CDYL2: variants seen among roughly 807,000 people sequenced by gnomAD.
CDYL2 encodes the protein chromodomain Y like 2.
CDYL2 carries 23 observed loss-of-function variants against 49.4 expected under a neutral mutation model. The ratio of observed to expected loss-of-function variants is 0.47; its 90% CI spans 0.34 to 0.66. The LOEUF is 0.66. CDYL2 is among the 30% of genes least tolerant of loss of function. The pLI, the probability that CDYL2 is intolerant of heterozygous loss-of-function variation, is 0.01. For synonymous variants in CDYL2, 360 were observed against 268.8 expected, an observed-to-expected ratio of 1.34 and a Z score of -3.32; for missense variants, 678 against 656.4, an observed-to-expected ratio of 1.03 and a Z score of -0.36.
At chr16:80,618,379 C>G (rs1304569395) in intron 4 of CDYL2, among the ~76,000 whole-genome samples, 1 of 152,190 alleles carries the variant, frequency 6.6e-6, no homozygotes. Context: ...CGCACAGATA[C>G]CACGCAGCAG....
At chr16:80,670,026 C>T (rs1402037287) in intron 2 of CDYL2, among the ~76,000 whole-genome samples, 1 of 152,244 alleles carries the variant, frequency 6.6e-6, no homozygotes, top group African/African-American at 2.4e-5. Context: ...CAACCCAAGA[C>T]ATGGGGCACA....
At position 80,637,807 on chromosome 16, in the gene CDYL2, AATTACCCTG is replaced by A. The variant is rs1231907755; in HGVS notation, c.617-4580_617-4572del. Among the ~76,000 whole-genome samples the A allele has an allele frequency of 2.0e-5, 3 of 152,244 alleles. No homozygotes were observed. The East Asian group carries it at 5.8e-4, about 29-fold the overall frequency. Reference sequence around the variant, plus strand: ...AAATGTTTGAGGTGATGGATATCTCAATTACCCTGATTACCCTGATTTGATCATTACACA... The same window carrying A: ...AAATGTTTGAGGTGATGGATATCTCAATTACCCTGATTTGATCATTACACA... On this transcript the variant is annotated intron_variant, in intron 2 of 6. Transcript: ENST00000570137.
At chr16:80,641,390 G>A (rs1360573917) in intron 2 of CDYL2, among the ~76,000 whole-genome samples, 1 of 152,084 alleles carries the variant, frequency 6.6e-6, no homozygotes, top group South Asian at 2.1e-4. Context: ...TATATCTGGT[G>A]AAAATCTCCT....
At chr16:80,769,813 C>A (rs1457803609) in intron 1 of CDYL2, among the ~76,000 whole-genome samples, 2 of 152,094 alleles carry the variant, frequency 1.3e-5, no homozygotes, top group African/African-American at 4.8e-5. Context: ...GAAAAAGAAT[C>A]AGATTATTCA....
chr16:80,763,061 G>C lies in CDYL2; in HGVS notation c.24+41089C>G, dbSNP rs182025618. On this transcript the variant is annotated intron_variant, in intron 1 of 6. Coordinates refer to ENST00000570137, the MANE Select transcript of CDYL2 (RefSeq NM_152342.4). ...CTTACAACTGTAGTCCCAGCTACTT[G>C]GGAGGCTGAGGCGGCAGGATCACTT... 2.4e-3 allele frequency among the ~76,000 whole-genome samples: 361 copies of C among 152,268 alleles called. 8 individuals carry two copies. Among genetic ancestry groups the C allele is most frequent in the Admixed American group, 0.021 (316 of 15,300 alleles).
chr16:80,747,107 C>T (rs1242831009), intron 1 of CDYL2, among the ~76,000 whole-genome samples: 1 of 152,126 alleles, frequency 6.6e-6, no homozygotes, highest in Non-Finnish European at 1.5e-5. Context: ...ATAGAAATCT[C>T]TCTCTGTACT....
Position 80,673,148 on chromosome 16 carries a change from T to C in CDYL2, c.616+11390A>G, listed in dbSNP as rs145208535. On this transcript the variant is annotated intron_variant, in intron 2 of 6. Coordinates refer to ENST00000570137, the MANE Select transcript of CDYL2 (RefSeq NM_152342.4). ...GCCTGGCCAACATGGTGAAACCCCA[T>C]TTCTACTAAAAGTACAAAAAAATTA... Among the ~76,000 whole-genome samples the C allele has an allele frequency of 8.1e-3, 1,237 of 152,072 alleles. 34 individuals carry two copies. The highest frequency in any genetic ancestry group is 0.028 in the African/African-American group (1,169 of 41,468).
chr16:80,664,620 G>A (rs949918216), intron 2 of CDYL2, among the ~76,000 whole-genome samples: 12 of 152,114 alleles, frequency 7.9e-5, no homozygotes, highest in Non-Finnish European at 1.3e-4. Flanking sequence ...ATCTCAAAAC[G>A]CTAAAAATTT....
At chr16:80,608,792 AAG>A (rs138978334) in intron 5 of CDYL2, among the ~76,000 whole-genome samples, 21 of 150,740 alleles carry the variant, frequency 1.4e-4, no homozygotes, top group African/African-American at 2.2e-4. Context: ...GAAATAGGGG[AAG>A]AGAGAGAGAG....
chr16:80,771,069 G>A (rs78053933), intron 1 of CDYL2, among the ~76,000 whole-genome samples: 1 of 152,150 alleles, frequency 6.6e-6, no homozygotes, highest in East Asian at 1.9e-4. Context: ...CCATTTCCTA[G>A]TTTTGATTCA....
chr16:80,637,480 C>G (rs1170901765), intron 2 of CDYL2, among the ~76,000 whole-genome samples: 1 of 151,978 alleles, frequency 6.6e-6, no homozygotes, highest in Non-Finnish European at 1.5e-5. Flanking sequence ...CCACAGATGA[C>G]AAGACTTGTC....
In CDYL2 at chr16:80,804,088, C is replaced by G. The variant is rs1908020328; in HGVS notation, c.24+62G>C. The G allele has an allele frequency of 2.1e-5, 19 of 907,348 alleles. No individual in the cohort carries two copies. In the South Asian group the frequency reaches 9.3e-4, roughly 44 times the overall value. The allele number at this position is 907,348 out of a possible 1,614,324, so 56.2% of individuals were successfully genotyped here. On this transcript the variant is annotated intron_variant, in intron 1 of 6. Transcript: ENST00000570137. ...CGGCCCCGGCCCGGTCCCCGCCGCCCGCCGCCGCCGCCCGCCGCCGCCCGC... is the reference window on the plus strand; with the variant it reads ...CGGCCCCGGCCCGGTCCCCGCCGCCGGCCGCCGCCGCCCGCCGCCGCCCGC...
At chr16:80,685,484 T>G (rs993830396) in intron 1 of CDYL2, among the ~76,000 whole-genome samples, 2 of 152,228 alleles carry the variant, frequency 1.3e-5, no homozygotes, top group African/African-American at 4.8e-5. Flanking sequence ...CCAAAGTAGA[T>G]GCAGGCTATT....
At chr16:80,755,913 C>G (rs986155925) in intron 1 of CDYL2, among the ~76,000 whole-genome samples, 1 of 152,134 alleles carries the variant, frequency 6.6e-6, no homozygotes, top group African/African-American at 2.4e-5. Context: ...AAACCTAAAA[C>G]TGCTCTAAAA....
chr16:80,682,813 C>G (rs775030773), intron 2 of CDYL2, among the ~76,000 whole-genome samples: 1 of 152,186 alleles, frequency 6.6e-6, no homozygotes, highest in African/African-American at 2.4e-5. Flanking sequence ...CCCATTTACA[C>G]GAGCCCACTT....
intron 1 of CDYL2, among the ~76,000 whole-genome samples, chr16:80,750,494 C>T (rs1041897626): frequency 8.5e-4 from 128 of 151,204 alleles, no homozygotes; most frequent in African/African-American, 3.0e-3. Context: ...GAAAAAGAGG[C>T]TATAAACACA....
intron 1 of CDYL2, among the ~76,000 whole-genome samples, chr16:80,710,475 T>C (rs553392322): frequency 2.6e-5 from 4 of 152,324 alleles, no homozygotes; most frequent in East Asian, 1.9e-4. Flanking sequence ...AAAGTGTTGA[T>C]TGTGACACTG....
chr16:80,647,033 A>T (rs1010548468), intron 2 of CDYL2, among the ~76,000 whole-genome samples: 1 of 152,212 alleles, frequency 6.6e-6, no homozygotes, highest in Admixed American at 6.5e-5. Context: ...TGATAAATAC[A>T]CAAAAATCAA....
intron 1 of CDYL2, among the ~76,000 whole-genome samples, chr16:80,712,067 A>G (rs943643648): frequency 1.3e-5 from 2 of 149,768 alleles, no homozygotes; most frequent in African/African-American, 4.9e-5. Flanking sequence ...GTGTGTATAG[A>G]TGTGTGTATA....
Sources: gnomAD v4.1 joint callset for allele counts (sites outside exome capture counted in the v4.1 genomes callset) on GRCh38, gnomAD v4.1.1 for gene constraint, MANE v1.5 for transcripts, NCBI Gene and HGNC (gene_info 2026-07-23, HGNC 2026-07-21) for gene names.